Variants in VPS13D observed in about 807,000 individuals in gnomAD.
VPS13D encodes vacuolar protein sorting 13 homolog D.
VPS13D carries 187 observed loss-of-function variants against 461.9 expected under a neutral mutation model. The observed-to-expected ratio is 0.40, with a 90% CI of 0.36 to 0.46. VPS13D has a LOEUF of 0.46. Ranked by LOEUF, VPS13D falls within the 20% of genes least tolerant of loss-of-function variation. The pLI is 0.60. For missense variants in VPS13D, 4,711 were observed against 5,364.9 expected (o/e 0.88, Z 3.81); for synonymous variants, 1,951 against 1,986.3 (o/e 0.98, Z 0.47).
Position 12,299,452 on chromosome 1 carries a change from T to A in VPS13D, c.6216+68T>A. 1 of 1,515,052 alleles carries A rather than the reference T, an allele frequency of 6.6e-7. No homozygotes were observed. Among genetic ancestry groups the A allele is most frequent in the Non-Finnish European group, 8.9e-7 (1 of 1,127,636 alleles). The allele number at this position is 1,515,052 out of a possible 1,614,324, so 93.9% of individuals were successfully genotyped here. A position where few individuals can be genotyped will look rare whatever the true frequency, so the allele number is the denominator to read the frequency against. On this transcript the variant is annotated intron_variant, in intron 25 of 69. Transcript: ENST00000620676. This position sits in a 1 kb window ranked among gnomAD's most constrained non-coding sequence, Gnocchi z 4.2. ...TTGATCACTAATTGAAAAATTTGTA[T>A]GCTGCTGTAAGATGATCCATAATTG...
chr1:12,249,150 TTTTTCTTTTTTC>T (rs1366797789), intron 5 of VPS13D, 61 bp from the exon 6 acceptor site: 6 of 1,271,642 alleles, frequency 4.7e-6, no homozygotes, highest in Admixed American at 2.1e-5. Context: ...ATCTAAATGC[TTTTTCTTTTTTC>T]TTTTCTTTGG....
chr1:12,233,203 A>C (rs901478790), intron 1 of VPS13D, among the ~76,000 whole-genome samples: 6 of 151,972 alleles, frequency 3.9e-5, no homozygotes, highest in African/African-American at 1.5e-4. Context: ...ACAGGGTTTC[A>C]CCATGTTGGC....
At chr1:12,296,502 T>C (rs1642280091) in intron 24 of VPS13D, among the ~76,000 whole-genome samples, 1 of 152,230 alleles carries the variant, frequency 6.6e-6, no homozygotes, top group Admixed American at 6.5e-5. Context: ...TTTTTTAGAA[T>C]CTTTTTCCAT....
chr1:12,337,801 C>T, intron 39 of VPS13D: 1 of 159,278 alleles, frequency 6.3e-6, no homozygotes, highest in Admixed American at 6.0e-5. Flanking sequence ...TTTGAGATCC[C>T]CTGAGACTGG....
At chr1:12,243,470 G>A (rs545285025) in intron 3 of VPS13D, among the ~76,000 whole-genome samples, 20 of 152,156 alleles carry the variant, frequency 1.3e-4, no homozygotes, top group Admixed American at 5.9e-4. Flanking sequence ...TGGATTACAC[G>A]GTTGATCATT....
At chr1:12,384,353 A>T (rs947147817) in intron 58 of VPS13D, among the ~76,000 whole-genome samples, 4 of 152,212 alleles carry the variant, frequency 2.6e-5, no homozygotes, top group Admixed American at 6.5e-5. Flanking sequence ...GATAATCCAG[A>T]TCACTAAGGG....
intron 37 of VPS13D, among the ~76,000 whole-genome samples, chr1:12,331,552 A>G (rs1289791354): frequency 6.6e-6 from 1 of 151,778 alleles, no homozygotes; most frequent in Non-Finnish European, 1.5e-5. Context: ...CTAAAAAAAA[A>G]ATACAAAAAA....
In VPS13D at chr1:12,511,282, C is replaced by T. The variant is rs1646178069; in HGVS notation, c.*2258C>T. On this transcript the variant is annotated 3_prime_UTR_variant, in exon 70 of 70. Coordinates refer to ENST00000620676, the MANE Select transcript of VPS13D (RefSeq NM_015378.4). This position sits in a 1 kb window ranked among gnomAD's most constrained non-coding sequence, Gnocchi z 4.5. ...AGATGTTAAAATGGAATCCAAAGAC[C>T]ACCTAGGGCGGGGCTGGGTGGGAGA... The T allele has an allele frequency of 6.6e-6, 1 of 151,842 alleles. No homozygotes were observed. Among genetic ancestry groups the T allele is most frequent in the Non-Finnish European group, 1.5e-5 (1 of 67,946 alleles). 9.4% of individuals were successfully genotyped at this position (151,842 alleles called of 1,614,324 possible).
chr1:12,390,668 C>A (rs1053267427), intron 60 of VPS13D, among the ~76,000 whole-genome samples: 1 of 152,162 alleles, frequency 6.6e-6, no homozygotes, highest in Non-Finnish European at 1.5e-5. Context: ...AACCTGCCAC[C>A]AGGTAGCTGG....
chr1:12,373,783 C>T lies in VPS13D; in HGVS notation c.10842C>T (p.Ser3614=), dbSNP rs1644158866. 1.9e-6 allele frequency: 3 copies of T among 1,570,854 alleles called. No individual in the cohort carries two copies. Among genetic ancestry groups the T allele is most frequent in the Admixed American group, 1.9e-5 (1 of 52,628 alleles). Residue 3614 remains serine (S), a synonymous_variant, in exon 55 of 70, where the codon TCC becomes TCT. Transcript: ENST00000620676. ...LQEGTGRPVA[S]NKAITCAELV... is the part of the protein sequence containing the mutation. The stretch of plus-strand genomic sequence containing the variant: ...AGGGAACAGGCAGGCCTGTGGCTTC[C>T]AACAAGGCCATTACCTGTGCGGAGC...
intron 65 of VPS13D, among the ~76,000 whole-genome samples, chr1:12,427,242 T>TTTATTATTATTATTA (rs55913483): frequency 7.8e-6 from 1 of 128,768 alleles, no homozygotes; most frequent in Non-Finnish European, 1.6e-5. Flanking sequence ...TTGTCATTAT[T>TTTATTATTATTATTA]TTATTATTAT....
In VPS13D at chr1:12,257,000, A is replaced by C. The variant is rs1411162399; in HGVS notation, c.854A>C (p.Gln285Pro). Residue 285 changes from glutamine to proline, a missense_variant, in exon 9 of 70, where the codon CAA (glutamine) becomes CCA (proline). By Grantham distance (76) the Gln-to-Pro change is moderately conservative. This residue lies in a region of VPS13D where 4,411 missense variants were observed against 4,937.8 expected (regional missense o/e 0.89). Coordinates refer to ENST00000620676, the MANE Select transcript of VPS13D (RefSeq NM_015378.4). The part of the protein sequence containing the change: ...PLKLSQLQYR[Q>P]IMEFLKELER... Reference sequence around the variant, plus strand: ...TCTAATACAAAGCTGCAATACCGGCAAATCATGGAATTCCTCAAGGAGCTG... The same window carrying C: ...TCTAATACAAAGCTGCAATACCGGCCAATCATGGAATTCCTCAAGGAGCTG... The C allele has an allele frequency of 6.2e-7, 1 of 1,614,216 alleles. No homozygotes were observed. The highest frequency in any genetic ancestry group is 1.3e-5 in the African/African-American group (1 of 75,054).
At chr1:12,460,444 G>T in intron 67 of VPS13D, 48 bp downstream of exon 67, 1 of 1,489,212 alleles carries the variant, frequency 6.7e-7, no homozygotes, top group Non-Finnish European at 8.9e-7. Flanking sequence ...GCCTAGGTCT[G>T]CTGCTTCTCC....
chr1:12,346,514 G>A (rs373552318), intron 43 of VPS13D, 91 bp from the exon 44 acceptor site: 27 of 1,325,370 alleles, frequency 2.0e-5, no homozygotes, highest in South Asian at 3.9e-5. Context: ...TTACAAACAC[G>A]ACCCTTTGAA....
intron 9 of VPS13D, 48 bp downstream of exon 9, chr1:12,257,135 T>G: frequency 6.6e-7 from 1 of 1,526,372 alleles, no homozygotes; most frequent in Non-Finnish European, 9.1e-7. Flanking sequence ...GAGCCTGTTC[T>G]TGCTATGTAC....
At chr1:12,327,328 A>G (rs1017418558) in intron 35 of VPS13D, among the ~76,000 whole-genome samples, 2 of 152,082 alleles carry the variant, frequency 1.3e-5, no homozygotes, top group Admixed American at 6.5e-5. Context: ...CTCTCCTTCA[A>G]CAGATGGCAT....
rs777083688 is a variant in VPS13D, at chr1:12,322,551, C to G, written c.7720C>G (p.Leu2574Val). ...PPVLEIQLQA[L>V]DIRLSYNDVQ... The stretch of plus-strand genomic sequence containing the variant: ...ATTTTGTTAGATTCAGTTACAAGCC[C>G]TGGATATCAGACTCTCCTATAATGA... Residue 2574 changes from leucine (L) to valine (V), a missense_variant, in exon 34 of 70, where the codon CTG becomes GTG. By Grantham distance (32) the Leu-to-Val change is conservative. Around this residue, in one of 3 missense-constraint regions of VPS13D, gnomAD observed 4,411 missense variants for 4,937.8 expected, o/e 0.89. Coordinates refer to ENST00000620676, the MANE Select transcript of VPS13D (RefSeq NM_015378.4). 5.0e-6 allele frequency: 8 copies of G among 1,614,032 alleles called. No individual in the cohort carries two copies. Among genetic ancestry groups the G allele is most frequent in the Non-Finnish European group, 5.1e-6 (6 of 1,180,026 alleles).
intron 35 of VPS13D, among the ~76,000 whole-genome samples, chr1:12,324,358 T>A (rs1428469235): frequency 6.6e-6 from 1 of 152,118 alleles, no homozygotes; most frequent in African/African-American, 2.4e-5. Flanking sequence ...AATACAAAAT[T>A]AGCTGGCGTG....
At chr1:12,313,829 A>AC (rs1179355667) in intron 29 of VPS13D, among the ~76,000 whole-genome samples, 1 of 152,150 alleles carries the variant, frequency 6.6e-6, no homozygotes, top group African/African-American at 2.4e-5. Flanking sequence ...GGGAATGATA[A>AC]CGGATTCAGA....
Sources: allele counts gnomAD v4.1 joint callset (sites outside exome capture counted in the v4.1 genomes callset), GRCh38; gene constraint gnomAD v4.1.1; regional missense constraint gnomAD v4.1.1; non-coding constraint Gnocchi (gnomAD v3.1); transcripts MANE v1.5; gene names NCBI Gene and HGNC (gene_info 2026-07-23, HGNC 2026-07-21).